The following ERAP1 variants were observed in gnomAD, a reference collection of about 807,000 sequenced individuals.
ERAP1 encodes endoplasmic reticulum aminopeptidase 1, also known as adipocyte-derived leucine aminopeptidase.
A neutral mutation model predicts 103.7 loss-of-function variants in ERAP1; 86 were observed. The observed-to-expected ratio is 0.83, with a 90% confidence interval of 0.70 to 0.99. ERAP1 has a LOEUF of 0.99. Among genes scored for constraint, ERAP1 ranks in the 50% least tolerant of loss-of-function variants. The probability of loss-of-function intolerance (pLI) is 0.00; values close to 1 mark genes in which losing one functional copy is unlikely to be tolerated. For synonymous variants in ERAP1, 398 were observed against 402.4 expected (o/e 0.99, Z 0.13); for missense variants, 1,009 against 1,128.4 (o/e 0.89, Z 1.52).
At chr5:96,912,559 A>C in the ERAP1 span, 1 of 1,040,978 alleles carries the variant, frequency 9.6e-7, no homozygotes, top group Non-Finnish European at 1.4e-6. Context: ...TTATTGTGTT[A>C]TAGGACTTAA....
the ERAP1 span, among the ~76,000 whole-genome samples, chr5:96,887,621 CTT>C: frequency 6.6e-6 from 1 of 151,886 alleles, no homozygotes; most frequent in African/African-American, 2.4e-5. Context: ...TTTTTTATAA[CTT>C]TTTTCCCTCA....
upstream of ERAP1, chr5:96,808,034 C>G (rs1414248028): frequency 3.5e-5 from 34 of 985,348 alleles, no homozygotes; most frequent in Non-Finnish European, 4.1e-5. Context: ...AAGGCGGGAG[C>G]TGGGGAAAGG....
At chr5:96,777,762 G>C (rs1774552670) in intron 18 of ERAP1, among the ~76,000 whole-genome samples, 1 of 152,154 alleles carries the variant, frequency 6.6e-6, no homozygotes, top group African/African-American at 2.4e-5. Context: ...CATCATGATA[G>C]CTCCACTAAA....
At chr5:96,807,436 C>T (rs2151016826) in intron 1 of ERAP1, among the ~76,000 whole-genome samples, 1 of 152,346 alleles carries the variant, frequency 6.6e-6, no homozygotes, top group African/African-American at 2.4e-5. Flanking sequence ...CTTTTGGCCT[C>T]GCGCGGGCGT....
chr5:96,770,536 G>GTGC (rs1381203154), downstream of ERAP1: 1 of 1,611,442 alleles, frequency 6.2e-7, no homozygotes, highest in South Asian at 1.1e-5. Flanking sequence ...TTTAGGATAA[G>GTGC]TGCAAGAAGG....
intron 19 of ERAP1, among the ~76,000 whole-genome samples, chr5:96,763,976 C>G (rs544981789): frequency 1.1e-4 from 16 of 146,988 alleles, no homozygotes; most frequent in African/African-American, 3.2e-4. Flanking sequence ...AAAAAAAAAG[C>G]CTGCTTAGTT....
chr5:96,793,831 A>T lies in ERAP1; in HGVS notation c.1046T>A (p.Met349Lys). 1 of 1,614,116 alleles carries T rather than the reference A, an allele frequency of 6.2e-7. No individual in the cohort carries two copies. Among genetic ancestry groups the T allele is most frequent in the Non-Finnish European group, 8.5e-7 (1 of 1,179,956 alleles). ...GTGAGCCAGTTCATGGGCCACAGTC[A>T]TTGTGATGCCAAGCTTACTTGATGC... ...SSASSKLGIT[M>K]TVAHELAHQW... Residue 349 changes from methionine (M) to lysine (K), a missense_variant, in exon 6 of 19, where the codon ATG (methionine) becomes AAG (lysine). Around this residue, in one of 3 missense-constraint regions of ERAP1, gnomAD observed 392 missense variants for 455.2 expected, o/e 0.86. Coordinates refer to ENST00000443439, the MANE Select transcript of ERAP1 (RefSeq NM_001040458.3).
chr5:96,909,571 T>C, the ERAP1 span: 1 of 1,611,542 alleles, frequency 6.2e-7, no homozygotes, highest in Non-Finnish European at 8.5e-7. Flanking sequence ...CATCTCATAT[T>C]TTCTGCAGCG....
the ERAP1 span, chr5:96,884,063 T>A: frequency 4.8e-6 from 3 of 625,026 alleles, no homozygotes; most frequent in African/African-American, 3.9e-5. Context: ...TCTATCTATC[T>A]ATCTATCTAT....
At chr5:96,920,294 G>A in the ERAP1 span, among the ~76,000 whole-genome samples, 7 of 141,412 alleles carry the variant, frequency 5.0e-5, no homozygotes, top group African/African-American at 1.9e-4. Context: ...GACAGAGCTA[G>A]ACCCTGTCAT....
chr5:96,892,294 C>T, the ERAP1 span: 4 of 1,613,498 alleles, frequency 2.5e-6, no homozygotes, highest in Non-Finnish European at 3.4e-6. Context: ...GTTCTTATTT[C>T]TTAGATTTAA....
Position 96,797,201 on chromosome 5 carries a change from T to A in ERAP1, c.772A>T (p.Ser258Cys). 6.2e-7 allele frequency: 1 copy of A among 1,614,216 alleles called. No individual in the cohort carries two copies. Residue 258 changes from serine (S) to cysteine (C), a missense_variant, in exon 4 of 19, where the codon AGC becomes TGC. This residue lies in a region of ERAP1 where 392 missense variants were observed against 455.2 expected (regional missense o/e 0.86). Coordinates refer to ENST00000443439, the MANE Select transcript of ERAP1 (RefSeq NM_001040458.3). ...AFIISDFESVSKITKSGVKVS... is the reference protein window; with the variant it reads ...AFIISDFESVCKITKSGVKVS... ...TTGACTCCACTCTTGGTTATCTTGC[T>A]GACAGACTCAAAATCTGAAATGATG...
chr5:96,803,805 C>A lies in ERAP1; in HGVS notation c.122G>T (p.Arg41Leu), dbSNP rs550787852. The A allele has an allele frequency of 1.9e-6, 3 of 1,614,118 alleles. No homozygotes were observed. The highest frequency in any genetic ancestry group is 2.5e-6 in the Non-Finnish European group (3 of 1,180,030). The change falls in exon 2 of 19, where the codon CGT becomes CTT. Residue 41 changes from arginine to leucine, a missense_variant. This residue lies in a region of ERAP1 where 392 missense variants were observed against 455.2 expected (regional missense o/e 0.86). Coordinates refer to ENST00000443439, the MANE Select transcript of ERAP1 (RefSeq NM_001040458.3). ...CCAAGGAAATGGTGTCCCATCACTA[C>A]GTTTTGGAGATGCTTCAGTGCTCTG... ...WCQSTEASPK[R>L]SDGTPFPWNK...
rs536459848 is a variant in ERAP1 at position 96,793,688 on chromosome 5, C to T, written c.1074+115G>A. On this transcript the variant is annotated intron_variant, in intron 6 of 18. Transcript: ENST00000443439. ...CATAAAAACGAATGCTTTGGAGAAA[C>T]AATTTTTCCTATTAAAAAAAGACAA... is the stretch of plus-strand genomic sequence containing the variant. 3.4e-3 allele frequency: 4,010 copies of T among 1,195,884 alleles called. 30 individuals carry two copies. Among genetic ancestry groups the T allele is most frequent in the South Asian group, 0.013 (906 of 67,276 alleles). 74.1% of individuals were successfully genotyped at this position (1,195,884 alleles called of 1,614,324 possible). A position where few individuals can be genotyped will look rare whatever the true frequency, so the allele number is the denominator to read the frequency against.
Position 96,781,872 on chromosome 5 carries a change from C to G in ERAP1, c.2286-18G>C. On this transcript the variant is annotated intron_variant, in intron 15 of 18. Coordinates refer to ENST00000443439, the MANE Select transcript of ERAP1 (RefSeq NM_001040458.3). ...CAGGCAGGCTATAGAAAGGAACACA[C>G]TCGGTGAGAATCTGAGGTGCAGTAA... The G allele has an allele frequency of 6.2e-7, 1 of 1,612,986 alleles. No homozygotes were observed. The highest frequency in any genetic ancestry group is 8.5e-7 in the Non-Finnish European group (1 of 1,179,856).
upstream of ERAP1, among the ~76,000 whole-genome samples, chr5:96,811,303 T>C (rs1385335234): frequency 6.6e-6 from 1 of 152,176 alleles, no homozygotes; most frequent in Non-Finnish European, 1.5e-5. Context: ...TCATATCAAA[T>C]AATAAAGTCC....
chr5:96,916,991 T>G, the ERAP1 span, among the ~76,000 whole-genome samples: 1 of 152,206 alleles, frequency 6.6e-6, no homozygotes, highest in African/African-American at 2.4e-5. Context: ...GAAAATAAAG[T>G]GAACAATTAT....
chr5:96,861,443 A>G, the ERAP1 span, among the ~76,000 whole-genome samples: 1 of 152,166 alleles, frequency 6.6e-6, no homozygotes, highest in African/African-American at 2.4e-5. Flanking sequence ...GTGGCTTTTG[A>G]CTGGTATGTG....
chr5:96,776,648 A>G, intron 18 of ERAP1, 97 bp from the exon 19 acceptor site: 3 of 1,531,910 alleles, frequency 2.0e-6, no homozygotes, highest in South Asian at 1.2e-5. Context: ...GCATTTGTCA[A>G]AATTCTATAT....
Sources: gnomAD v4.1 joint callset for allele counts (sites outside exome capture counted in the v4.1 genomes callset) on GRCh38, gnomAD v4.1.1 for gene constraint, gnomAD v4.1.1 regional missense constraint, MANE v1.5 for transcripts, NCBI Gene and HGNC (gene_info 2026-07-23, HGNC 2026-07-21) for gene names.